The following SLC4A1 variants were observed in gnomAD, a reference collection of about 807,000 sequenced individuals.
SLC4A1 encodes solute carrier family 4 member 1 (Diego blood group).
SLC4A1 carries 29 observed loss-of-function variants against 93.1 expected under a neutral mutation model. That is an observed-to-expected ratio of 0.31 (90% CI 0.23 to 0.42). The LOEUF is 0.42. SLC4A1 is among the 20% of genes least tolerant of loss of function. The pLI, the probability that SLC4A1 is intolerant of heterozygous loss-of-function variation, is 1.00. For synonymous variants in SLC4A1, 469 were observed against 497.2 expected (o/e 0.94, Z 0.76); for missense variants, 965 against 1,190.1 (o/e 0.81, Z 2.78).
chr17:44,257,517 T>G lies in SLC4A1; in HGVS notation c.1459A>C (p.Ile487Leu), dbSNP rs780078743. The change falls in exon 13 of 20, where the codon ATC becomes CTC. Residue 487 changes from isoleucine to leucine, a missense_variant. By Grantham distance (5) the Ile-to-Leu change is conservative. Around this residue, in one of 2 missense-constraint regions of SLC4A1, gnomAD observed 770 missense variants for 1,006.6 expected, o/e 0.76. Transcript: ENST00000262418. ...SFCETNGLEY[I>L]VGRVWIGFWL... ...AAGCCGATCCACACGCGGCCCACGATGTACTCTAGACCGTTGGTCTCGCAG... is the reference window on the plus strand; with the variant it reads ...AAGCCGATCCACACGCGGCCCACGAGGTACTCTAGACCGTTGGTCTCGCAG... 6.2e-7 allele frequency: 1 copy of G among 1,613,868 alleles called. No homozygotes were observed. Among genetic ancestry groups the G allele is most frequent in the South Asian group, 1.1e-5 (1 of 91,032 alleles).
chr17:44,257,567 C>CGGTCAG (rs768688387), intron 12 of SLC4A1, 23 bp from the exon 13 acceptor site: 12 of 1,613,664 alleles, frequency 7.4e-6, no homozygotes, highest in African/African-American at 1.3e-5. Flanking sequence ...CAGAAGAAGC[C>CGGTCAG]GGTCAGTCAA....
chr17:44,257,590 C>G, intron 12 of SLC4A1, 46 bp from the exon 13 acceptor site: 1 of 1,613,188 alleles, frequency 6.2e-7, no homozygotes, highest in Non-Finnish European at 8.5e-7. Context: ...GGTCTTGGGG[C>G]AAGGCACCAT....
At position 44,257,733 on chromosome 17, in the gene SLC4A1, G is replaced by A. The variant is rs2047402398; in HGVS notation, c.1357C>T (p.Leu453=). ...STAVQGILFA[L]LGAQPLLVVG... is the part of the protein sequence containing the mutation. Reference sequence around the variant, plus strand: ...ACAAGCAGGGGCTGAGCCCCCAGCAGGGCGAAGAGAATGCCCTGCACTGCA... The same window carrying A: ...ACAAGCAGGGGCTGAGCCCCCAGCAAGGCGAAGAGAATGCCCTGCACTGCA... The change falls in exon 12 of 20, where the codon CTG becomes TTG. Residue 453 remains leucine, a synonymous_variant. Coordinates refer to ENST00000262418, the MANE Select transcript of SLC4A1 (RefSeq NM_000342.4). 1 of 1,613,960 alleles carries A rather than the reference G, an allele frequency of 6.2e-7. No homozygotes were observed.
chr17:44,258,644 C>A lies in SLC4A1; in HGVS notation c.877-21G>T. On this transcript the variant is annotated intron_variant, in intron 9 of 19. Coordinates refer to ENST00000262418, the MANE Select transcript of SLC4A1 (RefSeq NM_000342.4). The surrounding 1 kb of genome is among the most constrained non-coding windows in gnomAD (Gnocchi z 6.1). ...AACACCTAGGGGCAGGAGACAGGGT[C>A]AGAGCTGCCCGGACCTGCGGAGGGA... The A allele has an allele frequency of 1.3e-6, 2 of 1,564,176 alleles. No individual in the cohort carries two copies. Among genetic ancestry groups the A allele is most frequent in the South Asian group, 2.3e-5 (2 of 86,332 alleles).
intron 13 of SLC4A1, 24 bp from the exon 14 acceptor site, chr17:44,255,870 C>T: frequency 1.2e-6 from 2 of 1,613,834 alleles, no homozygotes; most frequent in Non-Finnish European, 8.5e-7. Context: ...CCAAGGCATT[C>T]TGTTCTCTCC....
chr17:44,263,859 T>C (rs1426230824), intron 1 of SLC4A1, among the ~76,000 whole-genome samples: 1 of 151,530 alleles, frequency 6.6e-6, no homozygotes, highest in Non-Finnish European at 1.5e-5. Flanking sequence ...AGCCTTGAAC[T>C]CCTGGGCCCC....
intron 8 of SLC4A1, 39 bp from the exon 9 acceptor site, chr17:44,259,383 C>T (rs2047421089): frequency 6.2e-7 from 1 of 1,611,938 alleles, no homozygotes. Flanking sequence ...GCCGAGGAGC[C>T]CAGGGTGGGT....
rs936144448 is a variant in SLC4A1, at chr17:44,249,430, T to A, written c.*1028A>T. Reference sequence around the variant, plus strand: ...TTGAAAACTCTTAGAAAATACGCAATTAATAAATTACAAACCCCCTCACTC... The same window carrying A: ...TTGAAAACTCTTAGAAAATACGCAAATAATAAATTACAAACCCCCTCACTC... On this transcript the variant is annotated 3_prime_UTR_variant, in exon 20 of 20. Coordinates refer to ENST00000262418, the MANE Select transcript of SLC4A1 (RefSeq NM_000342.4). The A allele has an allele frequency of 3.6e-6, 1 of 276,682 alleles. No individual in the cohort carries two copies. Among genetic ancestry groups the A allele is most frequent in the African/African-American group, 2.4e-5 (1 of 42,462 alleles). 17.1% of individuals were successfully genotyped at this position (276,682 alleles called of 1,614,324 possible).
At chr17:44,255,585 G>A in intron 14 of SLC4A1, 88 bp downstream of exon 14, 1 of 1,338,860 alleles carries the variant, frequency 7.5e-7, no homozygotes, top group Non-Finnish European at 1.1e-6. Context: ...AAGAAGGGAA[G>A]CTAAGGGCAC....
In SLC4A1 at chr17:44,267,435, G is replaced by A. The variant is rs7209514; in HGVS notation, c.-69+619C>T. On this transcript the variant is annotated intron_variant, in intron 1 of 19. Coordinates refer to ENST00000262418, the MANE Select transcript of SLC4A1 (RefSeq NM_000342.4). ...AGCATATAAGGAGCGCTATGAAAAT[G>A]TTTGCTGTCATTATCCCTTGCTGCT... 7.3e-3 allele frequency among the ~76,000 whole-genome samples: 1,116 copies of A among 152,320 alleles called. 15 individuals carry two copies. The highest frequency in any genetic ancestry group is 0.025 in the African/African-American group (1,020 of 41,568).
chr17:44,268,119 A>G lies in SLC4A1; in HGVS notation c.-134T>C. The G allele has an allele frequency of 2.0e-6, 2 of 985,366 alleles. No individual in the cohort carries two copies. Among genetic ancestry groups the G allele is most frequent in the Non-Finnish European group, 2.4e-6 (2 of 829,956 alleles). The allele number at this position is 985,366 out of a possible 1,614,324, so 61.0% of individuals were successfully genotyped here. A position where few individuals can be genotyped will look rare whatever the true frequency, so the allele number is the denominator to read the frequency against. On this transcript the variant is annotated 5_prime_UTR_variant, in exon 1 of 20. Coordinates refer to ENST00000262418, the MANE Select transcript of SLC4A1 (RefSeq NM_000342.4). Reference sequence around the variant, plus strand: ...CCGCTGGTGCCCTCTGCGACCAGCTACGTTCCCACTCGTTCTGACAGCACC... The same window carrying G: ...CCGCTGGTGCCCTCTGCGACCAGCTGCGTTCCCACTCGTTCTGACAGCACC...
intron 11 of SLC4A1, 44 bp downstream of exon 11, chr17:44,257,942 G>C (rs1019724355): frequency 5.6e-6 from 9 of 1,611,332 alleles, no homozygotes; most frequent in Non-Finnish European, 7.6e-6. Context: ...ACAGAGGCCA[G>C]AGGGTCAGAG....
chr17:44,255,302 G>A lies in SLC4A1; in HGVS notation c.1801-6C>T. The stretch of plus-strand genomic sequence containing the variant: ...TCCCCGATGACCCGACGCAGCTGGG[G>A]GCAGGTGAAAGGACCAGTGGTCAGT... On this transcript the variant is annotated splice_region_variant and splice_polypyrimidine_tract_variant and intron_variant, in intron 14 of 19. Transcript: ENST00000262418. 2 of 1,552,648 alleles carry A rather than the reference G, an allele frequency of 1.3e-6. No homozygotes were observed. Among genetic ancestry groups the A allele is most frequent in the South Asian group, 1.2e-5 (1 of 84,150 alleles).
chr17:44,264,349 T>C (rs2047477532), intron 1 of SLC4A1, among the ~76,000 whole-genome samples: 1 of 152,058 alleles, frequency 6.6e-6, no homozygotes, highest in Non-Finnish European at 1.5e-5. Flanking sequence ...TCCCAGCTAC[T>C]TGAGAGGCTG....
Position 44,250,463 on chromosome 17 carries a change from C to T in SLC4A1, c.2731G>A (p.Val911Met), listed in dbSNP as rs1394359103. ...RDEYDEVAMP[V>M] ...CTAGGGCCTGGGCCCGCCCCTCACACAGGCATGGCCACTTCGTCGTATTCA... is the reference window on the plus strand; with the variant it reads ...CTAGGGCCTGGGCCCGCCCCTCACATAGGCATGGCCACTTCGTCGTATTCA... Residue 911 changes from valine (V) to methionine (M), a missense_variant, in exon 20 of 20, where the codon GTG (valine) becomes ATG (methionine). By Grantham distance (21) the Val-to-Met change is conservative (BLOSUM62 1). Coordinates refer to ENST00000262418, the MANE Select transcript of SLC4A1 (RefSeq NM_000342.4). The T allele has an allele frequency of 1.2e-5, 19 of 1,613,196 alleles. No homozygotes were observed. Among genetic ancestry groups the T allele is most frequent in the South Asian group, 2.2e-5 (2 of 91,072 alleles).
rs150515870 is a variant in SLC4A1, at chr17:44,259,532, A to G, written c.659T>C (p.Ile220Thr). ...CAACGTGGCCTCTGAATCCGGGGGAATCTTTTCCAGAATTCCAGATGGTGA... is the reference window on the plus strand; with the variant it reads ...CAACGTGGCCTCTGAATCCGGGGGAGTCTTTTCCAGAATTCCAGATGGTGA... ...GHSPSGILEKIPPDSEATLVL... is the reference protein window; with the variant it reads ...GHSPSGILEKTPPDSEATLVL... Residue 220 changes from isoleucine (I) to threonine (T), a missense_variant, in exon 8 of 20, where the codon ATT becomes ACT. Ile to Thr is a moderately conservative substitution (Grantham distance 89, BLOSUM62 -1). This residue lies in a region of SLC4A1 where 770 missense variants were observed against 1,006.6 expected (regional missense o/e 0.76). Coordinates refer to ENST00000262418, the MANE Select transcript of SLC4A1 (RefSeq NM_000342.4). The G allele has an allele frequency of 1.7e-5, 28 of 1,613,996 alleles. 1 individual carries two copies. In the African/African-American group the frequency reaches 2.7e-4, roughly 15 times the overall value.
chr17:44,260,355 G>C, intron 6 of SLC4A1, 49 bp downstream of exon 6: 1 of 1,589,386 alleles, frequency 6.3e-7, no homozygotes, highest in Non-Finnish European at 8.6e-7. Flanking sequence ...GTGGGCTGGG[G>C]AAGTGGGCCC....
At chr17:44,259,387 G>A in intron 8 of SLC4A1, 43 bp from the exon 9 acceptor site, 1 of 1,611,628 alleles carries the variant, frequency 6.2e-7, no homozygotes, top group Non-Finnish European at 8.5e-7. Context: ...AGGAGCCCAG[G>A]GTGGGTGTGC....
intron 13 of SLC4A1, 41 bp from the exon 14 acceptor site, chr17:44,255,887 T>G: frequency 6.2e-7 from 1 of 1,606,498 alleles, no homozygotes. Flanking sequence ...CTCCCAGCTT[T>G]GGCTTGGGCT....
Sources: gnomAD v4.1 joint callset for allele counts (sites outside exome capture counted in the v4.1 genomes callset) on GRCh38, gnomAD v4.1.1 for gene constraint, gnomAD v4.1.1 regional missense constraint, Gnocchi (gnomAD v3.1) non-coding constraint, MANE v1.5 for transcripts, NCBI Gene and HGNC (gene_info 2026-07-23, HGNC 2026-07-21) for gene names.